The following PPFIBP2 variants were observed in gnomAD, a reference collection of about 807,000 sequenced individuals.
PPFIBP2 encodes liprin-beta-2.
Under a neutral mutation model 118.3 loss-of-function variants are expected in PPFIBP2, and 118 were observed. The ratio of observed to expected loss-of-function variants is 1.00; its 90% CI spans 0.86 to 1.16. The LOEUF (loss-of-function observed/expected upper bound fraction) is 1.16. Ranked by LOEUF, PPFIBP2 falls within the 50% of genes most tolerant of loss-of-function variation. PPFIBP2 has a pLI of 0.00. For synonymous variants in PPFIBP2, 414 were observed against 397.4 expected (o/e 1.04, Z -0.50); for missense variants, 1,195 against 1,073.1 (o/e 1.11, Z -1.59).
intron 1 of PPFIBP2, among the ~76,000 whole-genome samples, chr11:7,518,566 C>T (rs1849444147): frequency 6.6e-6 from 1 of 152,024 alleles, no homozygotes; most frequent in Non-Finnish European, 1.5e-5. Context: ...ATTGTGTCAG[C>T]ATGCACCTGA....
intron 1 of PPFIBP2, among the ~76,000 whole-genome samples, chr11:7,527,863 G>A (rs1020401908): frequency 6.6e-6 from 1 of 152,146 alleles, no homozygotes; most frequent in Non-Finnish European, 1.5e-5. Context: ...AGTAAACGAA[G>A]TTAAATAGGG....
At chr11:7,619,435 A>G (rs749829476) in intron 6 of PPFIBP2, among the ~76,000 whole-genome samples, 1 of 152,228 alleles carries the variant, frequency 6.6e-6, no homozygotes, top group South Asian at 2.1e-4. Context: ...GAGTGATCCA[A>G]GAGGCAGGCA....
At chr11:7,519,953 C>T (rs537354855) in intron 1 of PPFIBP2, among the ~76,000 whole-genome samples, 20 of 152,270 alleles carry the variant, frequency 1.3e-4, no homozygotes, top group African/African-American at 3.8e-4. Context: ...CACAGAGAGG[C>T]GACTGGAGGC....
At chr11:7,568,509 T>G (rs1442592488) in intron 3 of PPFIBP2, among the ~76,000 whole-genome samples, 1 of 152,214 alleles carries the variant, frequency 6.6e-6, no homozygotes, top group Non-Finnish European at 1.5e-5. Context: ...CCTAGCAGAC[T>G]TCCCATTTAG....
Position 7,625,880 on chromosome 11 carries a change from A to C in PPFIBP2, c.815A>C (p.His272Pro). 1 of 1,614,128 alleles carries C rather than the reference A, an allele frequency of 6.2e-7. No homozygotes were observed. The highest frequency in any genetic ancestry group is 8.5e-7 in the Non-Finnish European group (1 of 1,179,930). ...ACAGCAGCTCTCCACAGTGAGAGTC[A>C]CACAGAGAGAGGTGACTAGCTTGAC... ...SRTAALHSESHTERDQEIQRL... is the reference protein window; with the variant it reads ...SRTAALHSESPTERDQEIQRL... Residue 272 changes from histidine (H) to proline (P), a missense_variant, in exon 8 of 24, where the codon CAC becomes CCC. Coordinates refer to ENST00000299492, the MANE Select transcript of PPFIBP2 (RefSeq NM_003621.5).
At chr11:7,550,142 C>G (rs184056259) in intron 2 of PPFIBP2, among the ~76,000 whole-genome samples, 126 of 152,298 alleles carry the variant, frequency 8.3e-4, no homozygotes, top group African/African-American at 2.7e-3. Flanking sequence ...GCTGTTCCAG[C>G]TGATTCCTTT....
chr11:7,574,701 G>A (rs1032379606), intron 3 of PPFIBP2, among the ~76,000 whole-genome samples: 4 of 152,102 alleles, frequency 2.6e-5, no homozygotes, highest in African/African-American at 9.7e-5. Context: ...CCACGACAGG[G>A]ACCCAGCTGC....
At chr11:7,555,487 C>G (rs1324753280) in intron 2 of PPFIBP2, among the ~76,000 whole-genome samples, 1 of 152,140 alleles carries the variant, frequency 6.6e-6, no homozygotes, top group Non-Finnish European at 1.5e-5. Flanking sequence ...ACTGTTGAGT[C>G]CATACTCTGA....
At chr11:7,527,358 C>A (rs1259422983) in intron 1 of PPFIBP2, among the ~76,000 whole-genome samples, 2 of 151,866 alleles carry the variant, frequency 1.3e-5, no homozygotes, top group African/African-American at 4.8e-5. Flanking sequence ...GGAAGAGTGG[C>A]CATGGAACCC....
chr11:7,654,788 G>A (rs11041505), downstream of PPFIBP2, among the ~76,000 whole-genome samples: 46,526 of 152,144 alleles, frequency 0.31, 8,880 homozygotes, highest in Non-Finnish European at 0.42. Flanking sequence ...TGGAACTGTT[G>A]TGCCACTGAT....
chr11:7,651,018 G>A, intron 22 of PPFIBP2, 53 bp downstream of exon 22: 1 of 1,570,778 alleles, frequency 6.4e-7, no homozygotes, highest in Non-Finnish European at 8.7e-7. Context: ...GGGATATTCA[G>A]AAACTTATTT....
chr11:7,580,516 C>T (rs2135009590), intron 3 of PPFIBP2, among the ~76,000 whole-genome samples: 1 of 152,290 alleles, frequency 6.6e-6, no homozygotes, highest in Non-Finnish European at 1.5e-5. Flanking sequence ...AGGGGAGATA[C>T]TTATGTTCAG....
chr11:7,599,797 A>AT (rs1200161212), intron 5 of PPFIBP2, among the ~76,000 whole-genome samples: 44,202 of 117,268 alleles, frequency 0.38, 8,887 homozygotes, highest in Middle Eastern at 0.5. Context: ...CGCCCGGCTA[A>AT]TTTTTTTTTT....
chr11:7,642,094 C>A, intron 16 of PPFIBP2: 1 of 565,630 alleles, frequency 1.8e-6, no homozygotes, highest in Non-Finnish European at 2.9e-6. Flanking sequence ...GTGACCAAAT[C>A]CCAGAGGCAG....
At chr11:7,519,572 A>G (rs1474272813) in intron 1 of PPFIBP2, among the ~76,000 whole-genome samples, 1 of 152,168 alleles carries the variant, frequency 6.6e-6, no homozygotes, top group Admixed American at 6.5e-5. Flanking sequence ...CCTGAGGCCT[A>G]AGGTTTGCAG....
chr11:7,554,805 A>ACTGGACTGGACTG (rs775146154), intron 2 of PPFIBP2, among the ~76,000 whole-genome samples: 151 of 151,872 alleles, frequency 9.9e-4, no homozygotes, highest in Middle Eastern at 6.8e-3. Flanking sequence ...AGACTAGACT[A>ACTGGACTGGACTG]GACTAGACTA....
intron 1 of PPFIBP2, among the ~76,000 whole-genome samples, chr11:7,530,428 T>C (rs1325016887): frequency 1.3e-5 from 2 of 152,142 alleles, no homozygotes; most frequent in South Asian, 2.1e-4. Flanking sequence ...AAAGTGATGG[T>C]ATTAGGAGGT....
chr11:7,540,672 C>T (rs1180362133), intron 1 of PPFIBP2, among the ~76,000 whole-genome samples: 1 of 152,166 alleles, frequency 6.6e-6, no homozygotes, highest in African/African-American at 2.4e-5. Flanking sequence ...TTATCCAGTG[C>T]TTACAGAATG....
At chr11:7,562,429 CAGA>C (rs1382447101) in intron 2 of PPFIBP2, among the ~76,000 whole-genome samples, 2 of 152,184 alleles carry the variant, frequency 1.3e-5, no homozygotes, top group Non-Finnish European at 2.9e-5. Flanking sequence ...TACAATAAAG[CAGA>C]AGGAGTCACA....
Sources: gnomAD v4.1 joint callset for allele counts (sites outside exome capture counted in the v4.1 genomes callset) on GRCh38, gnomAD v4.1.1 for gene constraint, MANE v1.5 for transcripts, NCBI Gene and HGNC (gene_info 2026-07-23, HGNC 2026-07-21) for gene names.